Variants in USH2A observed in about 807,000 individuals in gnomAD.
The protein encoded by USH2A is usherin.
A neutral mutation model predicts 538.9 loss-of-function variants in USH2A; 443 were observed. That is an observed-to-expected ratio of 0.82 (90% CI 0.76 to 0.89). USH2A has a LOEUF of 0.89. Ranked by LOEUF, USH2A falls within the 40% of genes least tolerant of loss-of-function variation. The pLI is 0.00. For synonymous variants in USH2A, 2,413 were observed against 2,273.5 expected, an observed-to-expected ratio of 1.06 and a Z score of -1.75; for missense variants, 6,633 against 6,324.8, an observed-to-expected ratio of 1.05 and a Z score of -1.65.
chr1:215,957,736 T>G (rs985583075), intron 37 of USH2A, among the ~76,000 whole-genome samples: 6 of 152,124 alleles, frequency 3.9e-5, no homozygotes, highest in African/African-American at 1.4e-4. Flanking sequence ...AGATCTCAGG[T>G]GAACTCACTC....
intron 35 of USH2A, among the ~76,000 whole-genome samples, chr1:215,981,610 G>A (rs1667754458): frequency 6.6e-6 from 1 of 152,048 alleles, no homozygotes; most frequent in East Asian, 1.9e-4. Flanking sequence ...GGACTCCTCA[G>A]GATATAACTA....
chr1:215,870,445 C>T (rs1664596837), intron 43 of USH2A, among the ~76,000 whole-genome samples: 1 of 150,026 alleles, frequency 6.7e-6, no homozygotes, highest in South Asian at 2.1e-4. Context: ...CAGGTGTCAG[C>T]CACCACTCCT....
chr1:216,038,296 C>T lies in USH2A; in HGVS notation c.6325+8135G>A, dbSNP rs912989630. On this transcript the variant is annotated intron_variant, in intron 32 of 71. Coordinates refer to ENST00000307340, the MANE Select transcript of USH2A (RefSeq NM_206933.4). The stretch of plus-strand genomic sequence containing the variant: ...CTTCACCAGAAATTTGATATTTGTC[C>T]TTGCTTCAATTTTACTGAATTCATG... 2.6e-5 allele frequency among the ~76,000 whole-genome samples: 4 copies of T among 151,898 alleles called. No homozygotes were observed. In the South Asian group the frequency reaches 8.3e-4, roughly 32 times the overall value.
chr1:216,223,315 T>C (rs972245340), intron 14 of USH2A, among the ~76,000 whole-genome samples: 2 of 152,156 alleles, frequency 1.3e-5, no homozygotes, highest in Non-Finnish European at 2.9e-5. Flanking sequence ...ATATAAAAAC[T>C]GATACTTCTT....
chr1:216,220,849 G>C (rs554041495), intron 14 of USH2A, among the ~76,000 whole-genome samples: 32 of 152,232 alleles, frequency 2.1e-4, no homozygotes, highest in Admixed American at 2.6e-4. Flanking sequence ...GTTACTCCCG[G>C]TCTTCTAACT....
In USH2A at chr1:215,927,327, G is replaced by A. The variant is rs151074526; in HGVS notation, c.7300+7289C>T. 4.5e-3 allele frequency among the ~76,000 whole-genome samples: 691 copies of A among 152,050 alleles called. 7 individuals carry two copies. Among genetic ancestry groups the A allele is most frequent in the African/African-American group, 0.016 (648 of 41,482 alleles). Reference sequence around the variant, plus strand: ...CTAAATTTTTGTTCTCCTTTTAAAGGAGTTTTCAAAGTGGAAATCAAACTA... The same window carrying A: ...CTAAATTTTTGTTCTCCTTTTAAAGAAGTTTTCAAAGTGGAAATCAAACTA... On this transcript the variant is annotated intron_variant, in intron 38 of 71. Coordinates refer to ENST00000307340, the MANE Select transcript of USH2A (RefSeq NM_206933.4).
intron 20 of USH2A, among the ~76,000 whole-genome samples, chr1:216,182,111 C>A (rs180805861): frequency 2.3e-3 from 345 of 152,006 alleles, no homozygotes; most frequent in African/African-American, 7.9e-3. Context: ...TATATATGTC[C>A]ATGTGGGAGA....
chr1:215,721,891 C>G (rs572576076), intron 61 of USH2A, among the ~76,000 whole-genome samples: 33 of 152,076 alleles, frequency 2.2e-4, no homozygotes, highest in African/African-American at 5.3e-4. Flanking sequence ...TAGTGAGACA[C>G]AATCTCTACA....
chr1:215,805,404 A>C (rs1447063197), intron 49 of USH2A, among the ~76,000 whole-genome samples: 1 of 152,048 alleles, frequency 6.6e-6, no homozygotes, highest in Admixed American at 6.6e-5. Context: ...CCAAAAACAG[A>C]ATGGTGGTTT....
At chr1:216,336,307 GT>G (rs1443426164) in intron 4 of USH2A, among the ~76,000 whole-genome samples, 6 of 151,212 alleles carry the variant, frequency 4.0e-5, no homozygotes, top group African/African-American at 1.2e-4. Context: ...ATCATATTTA[GT>G]GGTGAAAAAA....
Position 216,131,912 on chromosome 1 carries a change from CTAA to C in USH2A, c.4628-34702_4628-34700del, listed in dbSNP as rs5780872. Reference sequence around the variant, plus strand: ...TACATATTAATTTTCTTTAATCCTCCTAATAATAGTTCTAGCAGAAAGGCATGG... The same window carrying C: ...TACATATTAATTTTCTTTAATCCTCCTAATAGTTCTAGCAGAAAGGCATGG... On this transcript the variant is annotated intron_variant, in intron 21 of 71. Transcript: ENST00000307340. 3.6e-3 allele frequency among the ~76,000 whole-genome samples: 544 copies of C among 152,054 alleles called. 2 individuals are homozygous for C. Among genetic ancestry groups the C allele is most frequent in the African/African-American group, 0.013 (525 of 41,490 alleles).
chr1:216,180,896 G>C (rs998642224), intron 20 of USH2A, among the ~76,000 whole-genome samples: 2 of 152,084 alleles, frequency 1.3e-5, no homozygotes, highest in African/African-American at 4.8e-5. Flanking sequence ...ACTGGACCAG[G>C]ACGCAAACAA....
At chr1:215,746,711 C>T (rs1170377112) in intron 58 of USH2A, among the ~76,000 whole-genome samples, 2 of 152,128 alleles carry the variant, frequency 1.3e-5, no homozygotes, top group East Asian at 1.9e-4. Context: ...GTTTTTGTGA[C>T]CACAAATATT....
intron 32 of USH2A, among the ~76,000 whole-genome samples, chr1:216,036,321 T>C (rs1558224143): frequency 6.6e-6 from 1 of 152,032 alleles, no homozygotes; most frequent in South Asian, 2.1e-4. Flanking sequence ...ATTTAAAAGA[T>C]TGAACGACTC....
intron 47 of USH2A, among the ~76,000 whole-genome samples, chr1:215,818,528 T>C (rs1170247307): frequency 6.6e-6 from 1 of 151,858 alleles, no homozygotes; most frequent in Non-Finnish European, 1.5e-5. Context: ...AAATGTTTGA[T>C]TTTAAAAAAT....
intron 6 of USH2A, among the ~76,000 whole-genome samples, chr1:216,324,777 T>C (rs933394656): frequency 2.6e-5 from 4 of 152,182 alleles, no homozygotes; most frequent in African/African-American, 7.2e-5. Flanking sequence ...ATATTTTTAT[T>C]GTATACATTA....
chr1:216,165,504 A>T (rs913063721), intron 21 of USH2A, among the ~76,000 whole-genome samples: 1 of 152,196 alleles, frequency 6.6e-6, no homozygotes, highest in African/African-American at 2.4e-5. Context: ...GTATTTTCTT[A>T]CACATCTAAG....
intron 49 of USH2A, among the ~76,000 whole-genome samples, chr1:215,811,567 G>A (rs1390038538): frequency 1.3e-5 from 2 of 151,430 alleles, no homozygotes; most frequent in Admixed American, 6.6e-5. Flanking sequence ...CAACCAATAA[G>A]CATTCCTCAT....
intron 4 of USH2A, among the ~76,000 whole-genome samples, chr1:216,344,555 T>A (rs2038137591): frequency 6.6e-6 from 1 of 152,012 alleles, no homozygotes; most frequent in African/African-American, 2.4e-5. Context: ...TCTGGTAACA[T>A]CTTTCTGGTG....
Sources: gnomAD v4.1 joint callset for allele counts (sites outside exome capture counted in the v4.1 genomes callset) on GRCh38, gnomAD v4.1.1 for gene constraint, MANE v1.5 for transcripts, NCBI Gene and HGNC (gene_info 2026-07-23, HGNC 2026-07-21) for gene names.